Variants in GRM5 observed in about 807,000 individuals in gnomAD.
GRM5 encodes the protein metabotropic glutamate receptor 5.
A neutral mutation model predicts 83.1 loss-of-function variants in GRM5; 19 were observed. The ratio of observed to expected loss-of-function variants is 0.23; its 90% CI spans 0.16 to 0.34. The LOEUF (loss-of-function observed/expected upper bound fraction) is 0.34. GRM5 is among the 10% of genes least tolerant of loss of function. The probability of loss-of-function intolerance (pLI) is 1.00; values close to 1 mark genes in which losing one functional copy is unlikely to be tolerated. For missense variants in GRM5, 1,160 were observed against 1,588.3 expected (o/e 0.73, Z 4.58); for synonymous variants, 675 against 633.6 (o/e 1.07, Z -0.98).
At chr11:88,953,304 C>G (rs1938517972) in intron 2 of GRM5, among the ~76,000 whole-genome samples, 2 of 152,196 alleles carry the variant, frequency 1.3e-5, no homozygotes, top group African/African-American at 4.8e-5. Context: ...TATGCATACA[C>G]ACACATCTAT....
Position 89,047,183 on chromosome 11 carries a change from T to C in GRM5, c.661+29A>G, listed in dbSNP as rs1274023666. 1 of 1,510,564 alleles carries C rather than the reference T, an allele frequency of 6.6e-7. No homozygotes were observed. The highest frequency in any genetic ancestry group is 1.8e-5 in the Admixed American group (1 of 54,090). The allele number at this position is 1,510,564 out of a possible 1,614,324, so 93.6% of individuals were successfully genotyped here. On this transcript the variant is annotated intron_variant, in intron 2 of 9. Coordinates refer to ENST00000305447, the MANE Select transcript of GRM5 (RefSeq NM_001143831.3). This position sits in a 1 kb window ranked among gnomAD's most constrained non-coding sequence, Gnocchi z 5.1. ...TGTAACTGTTGAGTGCATAATAATATATACTCGATGTATGCAAAGGAAACT... is the reference window on the plus strand; with the variant it reads ...TGTAACTGTTGAGTGCATAATAATACATACTCGATGTATGCAAAGGAAACT...
intron 3 of GRM5, among the ~76,000 whole-genome samples, chr11:88,779,677 A>G (rs1942935286): frequency 6.6e-6 from 1 of 152,158 alleles, no homozygotes; most frequent in Admixed American, 6.6e-5. Flanking sequence ...TCACCCTTGG[A>G]GCTGCTGCTC....
intron 2 of GRM5, among the ~76,000 whole-genome samples, chr11:88,930,224 C>A (rs1937659797): frequency 6.6e-6 from 1 of 151,392 alleles, no homozygotes; most frequent in Non-Finnish European, 1.5e-5. Context: ...ACCTGAGCAG[C>A]ATAGTGAGAC....
At chr11:89,040,745 G>T (rs180807775) in intron 2 of GRM5, among the ~76,000 whole-genome samples, 87 of 151,846 alleles carry the variant, frequency 5.7e-4, no homozygotes, top group Middle Eastern at 3.4e-3. Context: ...ACAAAGAAAA[G>T]GGAAGGAGGA....
rs537773369 is a variant in GRM5, at chr11:88,761,673, G to T, written c.911+88233C>A. ...ATGCTATTCCTATCAAACTATCAAT[G>T]ATACTCTTCACAGAACTAGAAAAAA... On this transcript the variant is annotated intron_variant, in intron 3 of 9. Coordinates refer to ENST00000305447, the MANE Select transcript of GRM5 (RefSeq NM_001143831.3). Among the ~76,000 whole-genome samples the T allele has an allele frequency of 3.6e-4, 55 of 152,012 alleles. 1 individual carries two copies. In the South Asian group the frequency reaches 8.5e-3, roughly 24 times the overall value.
chr11:88,710,597 T>C (rs1941261131), intron 3 of GRM5, among the ~76,000 whole-genome samples: 1 of 152,128 alleles, frequency 6.6e-6, no homozygotes, highest in Non-Finnish European at 1.5e-5. Context: ...AATAGGACTC[T>C]AAAGGATAAA....
At chr11:88,809,133 A>G (rs1049901383) in intron 3 of GRM5, among the ~76,000 whole-genome samples, 2 of 152,062 alleles carry the variant, frequency 1.3e-5, no homozygotes, top group African/African-American at 4.8e-5. Context: ...CAACTGATTC[A>G]AATTAAGAAC....
chr11:88,872,060 A>T (rs1944777291), intron 2 of GRM5, among the ~76,000 whole-genome samples: 1 of 151,524 alleles, frequency 6.6e-6, no homozygotes, highest in Non-Finnish European at 1.5e-5. Flanking sequence ...CAACTAACAG[A>T]AAAACCTACA....
chr11:88,938,551 C>CT (rs1428244233), intron 2 of GRM5, among the ~76,000 whole-genome samples: 70 of 17,408 alleles, frequency 4.0e-3, no homozygotes, highest in African/African-American at 7.5e-3. Context: ...GGTATTACTT[C>CT]ATTTTTTTTT....
At chr11:88,985,656 G>C (rs954520680) in intron 2 of GRM5, among the ~76,000 whole-genome samples, 12 of 152,120 alleles carry the variant, frequency 7.9e-5, no homozygotes, top group African/African-American at 2.9e-4. Flanking sequence ...CATGGCCAAG[G>C]ATGCCTTTGG....
chr11:88,902,589 C>G (rs775873429), intron 2 of GRM5, among the ~76,000 whole-genome samples: 1 of 152,030 alleles, frequency 6.6e-6, no homozygotes, highest in Non-Finnish European at 1.5e-5. Context: ...CCAAGTTGCT[C>G]CCTGGTTTTT....
chr11:88,951,840 T>C (rs1182354222), intron 2 of GRM5, among the ~76,000 whole-genome samples: 2 of 152,232 alleles, frequency 1.3e-5, no homozygotes, highest in Non-Finnish European at 2.9e-5. Context: ...TGCATGTGTA[T>C]GTATGTGTGC....
intron 3 of GRM5, among the ~76,000 whole-genome samples, chr11:88,847,930 G>A (rs1427715527): frequency 6.6e-6 from 1 of 152,188 alleles, no homozygotes; most frequent in Non-Finnish European, 1.5e-5. Context: ...TTTACTTAGT[G>A]TACATGGGAT....
intron 1 of GRM5, among the ~76,000 whole-genome samples, chr11:89,060,420 C>T (rs2135171719): frequency 6.6e-6 from 1 of 151,662 alleles, no homozygotes; most frequent in Admixed American, 6.6e-5. Context: ...ATAAAGTGAC[C>T]CACAGTGAAC....
At chr11:88,739,928 A>T (rs561218151) in intron 3 of GRM5, among the ~76,000 whole-genome samples, 1 of 152,104 alleles carries the variant, frequency 6.6e-6, no homozygotes, top group Non-Finnish European at 1.5e-5. Flanking sequence ...ACTCCTGATT[A>T]TATTTAATAT....
intron 7 of GRM5, among the ~76,000 whole-genome samples, chr11:88,569,028 C>T (rs61901968): frequency 2.0e-5 from 3 of 152,082 alleles, no homozygotes; most frequent in South Asian, 4.2e-4. Context: ...CTGTCTTTTA[C>T]AATTTTTTAG....
intron 2 of GRM5, among the ~76,000 whole-genome samples, chr11:88,897,667 A>C (rs768833928): frequency 5.3e-5 from 8 of 151,876 alleles, no homozygotes; most frequent in Non-Finnish European, 7.4e-5. Context: ...GATGTCAAAC[A>C]TTCTACAATG....
At chr11:88,553,407 CCT>C (rs1192689087) in intron 8 of GRM5, among the ~76,000 whole-genome samples, 1 of 152,084 alleles carries the variant, frequency 6.6e-6, no homozygotes, top group Non-Finnish European at 1.5e-5. Flanking sequence ...TCCTGTTCCC[CCT>C]CATTTTCCTC....
At chr11:88,964,132 T>A (rs1392079870) in intron 2 of GRM5, among the ~76,000 whole-genome samples, 1 of 152,164 alleles carries the variant, frequency 6.6e-6, no homozygotes, top group East Asian at 1.9e-4. Context: ...ATTGATTTTG[T>A]AACTTAGGTT....
Sources: gnomAD v4.1 joint callset for allele counts (sites outside exome capture counted in the v4.1 genomes callset) on GRCh38, gnomAD v4.1.1 for gene constraint, Gnocchi (gnomAD v3.1) non-coding constraint, MANE v1.5 for transcripts, NCBI Gene and HGNC (gene_info 2026-07-23, HGNC 2026-07-21) for gene names.